PSMD12: variants seen among roughly 807,000 people sequenced by gnomAD.
PSMD12 encodes the protein proteasome 26S subunit, non-ATPase 12, also known as 26S proteasome non-ATPase regulatory subunit 12.
PSMD12 carries 8 observed loss-of-function variants against 62.9 expected under a neutral mutation model. That is an observed-to-expected ratio of 0.13 (90% confidence interval 0.07 to 0.23). The LOEUF (loss-of-function observed/expected upper bound fraction) is 0.23, where lower values mean the gene tolerates loss of function less well. PSMD12 is among the 10% of genes least tolerant of loss of function. The pLI is 1.00. For missense variants in PSMD12, 424 were observed against 550.2 expected, an observed-to-expected ratio of 0.77 and a Z score of 2.29; for synonymous variants, 173 against 187.4, an observed-to-expected ratio of 0.92 and a Z score of 0.63.
At chr17:67,351,738 C>A (rs1280861660) in intron 3 of PSMD12, among the ~76,000 whole-genome samples, 1 of 151,726 alleles carries the variant, frequency 6.6e-6, no homozygotes, top group African/African-American at 2.4e-5. Context: ...ACCCTCACCT[C>A]CTTTCATCCT....
chr17:67,352,323 G>C (rs1411373125), intron 3 of PSMD12, among the ~76,000 whole-genome samples: 1 of 151,962 alleles, frequency 6.6e-6, no homozygotes, highest in African/African-American at 2.4e-5. Context: ...TGCACCTACT[G>C]TTTAACTTCC....
intron 1 of PSMD12, among the ~76,000 whole-genome samples, chr17:67,361,902 AAAAAAAAGG>A (rs1484665636): frequency 0.022 from 2,288 of 102,056 alleles, 220 homozygotes; most frequent in Non-Finnish European, 0.034. Flanking sequence ...AAAAAAAAAA[AAAAAAAAGG>A]AAGGAAGGAA....
chr17:67,362,524 T>C (rs1307042207), intron 1 of PSMD12, among the ~76,000 whole-genome samples: 1 of 151,540 alleles, frequency 6.6e-6, no homozygotes, highest in Non-Finnish European at 1.5e-5. Flanking sequence ...AATACAGGCA[T>C]GGTAGTGCAC....
rs2041892762 is a variant in PSMD12 at position 67,339,692 on chromosome 17, A to C, written c.*1151T>G. On this transcript the variant is annotated 3_prime_UTR_variant, in exon 11 of 11. Transcript: ENST00000356126. ...TTTGAATTTTTTTAAAGTAGACCTC[A>C]CACTTTCTTTATTTAAGTATCATTT... 6.6e-6 allele frequency: 1 copy of C among 152,108 alleles called. No homozygotes were observed. Among genetic ancestry groups the C allele is most frequent in the South Asian group, 2.1e-4 (1 of 4,824 alleles). The allele number at this position is 152,108 out of a possible 1,614,324, so 9.4% of individuals were successfully genotyped here.
intron 4 of PSMD12, among the ~76,000 whole-genome samples, chr17:67,348,995 A>G (rs1422333899): frequency 2.0e-5 from 3 of 152,176 alleles, no homozygotes; most frequent in Admixed American, 2.0e-4. Context: ...GACTGTCTCA[A>G]AAAAATAAAA....
intron 3 of PSMD12, among the ~76,000 whole-genome samples, chr17:67,352,967 A>T (rs2042031803): frequency 6.6e-6 from 1 of 152,198 alleles, no homozygotes; most frequent in Non-Finnish European, 1.5e-5. Flanking sequence ...GCCTCCTTTA[A>T]ATGAAAAGGT....
chr17:67,354,851 G>C (rs2042052102), intron 3 of PSMD12, among the ~76,000 whole-genome samples: 1 of 152,070 alleles, frequency 6.6e-6, no homozygotes, highest in African/African-American at 2.4e-5. Flanking sequence ...TTAGCTGGGT[G>C]TGGTGGCACA....
intron 1 of PSMD12, among the ~76,000 whole-genome samples, chr17:67,365,695 G>C (rs1054484801): frequency 6.6e-6 from 1 of 152,118 alleles, no homozygotes; most frequent in Non-Finnish European, 1.5e-5. Flanking sequence ...CTCTTATAGT[G>C]CCTACTTGTC....
chr17:67,361,535 T>C (rs959509197), intron 1 of PSMD12, among the ~76,000 whole-genome samples: 3 of 151,948 alleles, frequency 2.0e-5, no homozygotes, highest in African/African-American at 4.8e-5. Context: ...TGAGCTGAGA[T>C]CATGCCTCTG....
intron 1 of PSMD12, among the ~76,000 whole-genome samples, chr17:67,359,380 TTATTTAACATGCTAATATTAATAAC>T (rs1396919660): frequency 6.6e-6 from 1 of 152,128 alleles, no homozygotes; most frequent in Non-Finnish European, 1.5e-5. Context: ...TAAAATGCAT[TTATTTAACATGCTAATATTAATAAC>T]TATCATGTAA....
At chr17:67,341,971 C>A (rs1458587694) in intron 10 of PSMD12, among the ~76,000 whole-genome samples, 1 of 152,204 alleles carries the variant, frequency 6.6e-6, no homozygotes, top group Non-Finnish European at 1.5e-5. Context: ...ATTTTGTCAA[C>A]ATAGAAACAT....
At chr17:67,349,329 T>A (rs556780326) in intron 4 of PSMD12, among the ~76,000 whole-genome samples, 1 of 152,372 alleles carries the variant, frequency 6.6e-6, no homozygotes, top group East Asian at 1.9e-4. Flanking sequence ...AGAACCGAAC[T>A]ATTCTTTAAC....
At chr17:67,360,964 C>T (rs1290864101) in intron 1 of PSMD12, 1 of 152,182 alleles carries the variant, frequency 6.6e-6, no homozygotes, top group African/African-American at 2.4e-5. Flanking sequence ...TCCCAATCTT[C>T]CACATTCTAC....
At chr17:67,349,260 C>G (rs1338884594) in intron 4 of PSMD12, among the ~76,000 whole-genome samples, 1 of 152,176 alleles carries the variant, frequency 6.6e-6, no homozygotes, top group Admixed American at 6.5e-5. Flanking sequence ...CTTAGATGAT[C>G]CGCCCACCTC....
Position 67,347,107 on chromosome 17 carries a change from T to G in PSMD12, c.795+9A>C. Reference sequence around the variant, plus strand: ...AGAAGCCATGTCAATTACACGAATATATTCTTACCTGCTGCCATTTTTCAC... The same window carrying G: ...AGAAGCCATGTCAATTACACGAATAGATTCTTACCTGCTGCCATTTTTCAC... On this transcript the variant is annotated intron_variant, in intron 7 of 10. Transcript: ENST00000356126. 1.1e-5 allele frequency: 17 copies of G among 1,577,434 alleles called. No individual in the cohort carries two copies. The highest frequency in any genetic ancestry group is 1.5e-5 in the Non-Finnish European group (17 of 1,162,392).
intron 1 of PSMD12, among the ~76,000 whole-genome samples, chr17:67,358,567 CAAAAA>C (rs398039153): frequency 5.4e-5 from 4 of 74,078 alleles, no homozygotes; most frequent in Non-Finnish European, 9.8e-5. Flanking sequence ...GAACCTGTCT[CAAAAA>C]AAAAAAAAAA....
At chr17:67,350,412 G>C in intron 3 of PSMD12, 76 bp from the exon 4 acceptor site, 1 of 1,090,464 alleles carries the variant, frequency 9.2e-7, no homozygotes, top group Non-Finnish European at 1.3e-6. Context: ...TGATCAAAGA[G>C]CAATGATCGA....
At chr17:67,351,667 G>A (rs968925693) in intron 3 of PSMD12, among the ~76,000 whole-genome samples, 3 of 151,914 alleles carry the variant, frequency 2.0e-5, no homozygotes, top group East Asian at 3.9e-4. Context: ...TGGGCCTCTA[G>A]CGAACCTATC....
At position 67,348,705 on chromosome 17, in the gene PSMD12, T is replaced by C. The variant is rs78917035; in HGVS notation, c.406-51A>G. The stretch of plus-strand genomic sequence containing the variant: ...AAAATTCCATGGAAACGTGTTAAAA[T>C]TTAAAAAGTAGGCTGGGTATGTTGG... On this transcript the variant is annotated intron_variant, in intron 4 of 10. Coordinates refer to ENST00000356126, the MANE Select transcript of PSMD12 (RefSeq NM_002816.5). 2,083 of 1,529,278 alleles carry C rather than the reference T, an allele frequency of 1.4e-3. 26 individuals carry two copies. In the African/African-American group the frequency reaches 0.026, roughly 19 times the overall value. The allele number at this position is 1,529,278 out of a possible 1,614,324, so 94.7% of individuals were successfully genotyped here.
Sources: gnomAD v4.1 joint callset for allele counts (sites outside exome capture counted in the v4.1 genomes callset) on GRCh38, gnomAD v4.1.1 for gene constraint, MANE v1.5 for transcripts, NCBI Gene and HGNC (gene_info 2026-07-23, HGNC 2026-07-21) for gene names.